UVRAG: variants seen among roughly 807,000 people sequenced by gnomAD.
The protein encoded by UVRAG is UV radiation resistance-associated gene protein.
Under a neutral mutation model 78.0 loss-of-function variants are expected in UVRAG, and 19 were observed. The observed-to-expected ratio is 0.24, with a 90% confidence interval of 0.17 to 0.36. The LOEUF is 0.36. Among genes scored for constraint, UVRAG ranks in the 10% least tolerant of loss-of-function variants. The pLI, the probability that UVRAG is intolerant of heterozygous loss-of-function variation, is 1.00. For synonymous variants in UVRAG, 323 were observed against 324.6 expected (o/e 1.00, Z 0.05); for missense variants, 740 against 853.8 (o/e 0.87, Z 1.66).
intron 13 of UVRAG, among the ~76,000 whole-genome samples, chr11:76,074,271 A>G (rs1273202431): frequency 2.0e-5 from 3 of 152,224 alleles, no homozygotes; most frequent in Admixed American, 6.5e-5. Flanking sequence ...GAATGTGGCC[A>G]TCCAGATTTT....
intron 9 of UVRAG, among the ~76,000 whole-genome samples, chr11:76,005,287 G>T (rs1949911257): frequency 6.6e-6 from 1 of 152,104 alleles, no homozygotes; most frequent in South Asian, 2.1e-4. Context: ...AGCTTGCAGT[G>T]AGCCGAGATG....
At chr11:75,825,664 TTGCC>T (rs1411073386) in intron 1 of UVRAG, among the ~76,000 whole-genome samples, 4 of 152,162 alleles carry the variant, frequency 2.6e-5, no homozygotes, top group African/African-American at 9.7e-5. Flanking sequence ...GTGAAGCTAT[TTGCC>T]TGGCCACAGA....
intron 12 of UVRAG, among the ~76,000 whole-genome samples, chr11:76,029,655 G>A (rs1271800077): frequency 6.6e-6 from 1 of 152,170 alleles, no homozygotes; most frequent in Admixed American, 6.6e-5. Context: ...AGCAAAGAAA[G>A]TGGTTCCTTG....
intron 1 of UVRAG, among the ~76,000 whole-genome samples, chr11:75,832,164 G>A (rs1208057293): frequency 6.6e-6 from 1 of 152,158 alleles, no homozygotes; most frequent in South Asian, 2.1e-4. Flanking sequence ...CAAATATGTT[G>A]GGTTTTCCCC....
chr11:75,924,512 A>T (rs774462267), intron 6 of UVRAG, among the ~76,000 whole-genome samples: 1 of 151,810 alleles, frequency 6.6e-6, no homozygotes, highest in Non-Finnish European at 1.5e-5. Flanking sequence ...CAGCCTCCCA[A>T]GTAGCTGGGA....
chr11:76,088,392 T>C (rs1008454724), intron 13 of UVRAG, among the ~76,000 whole-genome samples: 2 of 152,074 alleles, frequency 1.3e-5, no homozygotes, highest in Non-Finnish European at 2.9e-5. Flanking sequence ...ATCTGTTATG[T>C]CCACCCCTGC....
intron 14 of UVRAG, among the ~76,000 whole-genome samples, chr11:76,134,009 A>G (rs1487893010): frequency 7.1e-6 from 1 of 141,696 alleles, no homozygotes. Context: ...GCTGGAGTGC[A>G]GTACTGCAAT....
At chr11:75,961,370 G>C (rs1948907284) in intron 6 of UVRAG, 74 bp from the exon 7 acceptor site, 1 of 1,183,426 alleles carries the variant, frequency 8.5e-7, no homozygotes, top group South Asian at 1.4e-5. Context: ...CTCCAGGTTT[G>C]TCATTTATAT....
chr11:76,099,610 A>T (rs1951845207), intron 13 of UVRAG, among the ~76,000 whole-genome samples: 1 of 152,142 alleles, frequency 6.6e-6, no homozygotes. Flanking sequence ...AGAATAGGAT[A>T]TGAGTTTCCA....
chr11:76,082,213 A>AT (rs1236295550), intron 13 of UVRAG, among the ~76,000 whole-genome samples: 7 of 152,166 alleles, frequency 4.6e-5, no homozygotes, highest in Admixed American at 2.6e-4. Flanking sequence ...TGTTTCATTT[A>AT]TTTTTCTATA....
At position 75,956,346 on chromosome 11, in the gene UVRAG, T is replaced by C. The variant is rs371332361; in HGVS notation, c.594-5098T>C. On this transcript the variant is annotated intron_variant, in intron 6 of 14. Transcript: ENST00000356136. ...ACTAATAATTTCTAAAAAATGGCAC[T>C]ATTATTTATTAGGCTGGTGCAAAAG... 3.6e-3 allele frequency among the ~76,000 whole-genome samples: 544 copies of C among 152,152 alleles called. 2 individuals are homozygous for C. The highest frequency in any genetic ancestry group is 0.013 in the African/African-American group (528 of 41,526).
chr11:76,140,042 A>C, intron 14 of UVRAG, among the ~76,000 whole-genome samples: 1 of 128,820 alleles, frequency 7.8e-6, no homozygotes, highest in African/African-American at 3.0e-5. Context: ...TTAAAATATA[A>C]CCTTGACTCT....
intron 8 of UVRAG, among the ~76,000 whole-genome samples, chr11:75,991,642 T>C (rs1414840017): frequency 6.6e-6 from 1 of 152,142 alleles, no homozygotes; most frequent in Non-Finnish European, 1.5e-5. Context: ...ATTCCAAAAC[T>C]GTCAATCACT....
chr11:76,048,813 A>ATCTAAAATC (rs932672757), intron 12 of UVRAG, among the ~76,000 whole-genome samples: 8 of 152,352 alleles, frequency 5.3e-5, no homozygotes, highest in African/African-American at 1.7e-4. Flanking sequence ...ATGATAGATG[A>ATCTAAAATC]TCTAAAATCA....
At chr11:76,096,248 C>CT (rs1385786279) in intron 13 of UVRAG, among the ~76,000 whole-genome samples, 1 of 152,216 alleles carries the variant, frequency 6.6e-6, no homozygotes, top group East Asian at 1.9e-4. Flanking sequence ...TTTAACATGG[C>CT]TTTTTTGTGG....
intron 6 of UVRAG, among the ~76,000 whole-genome samples, chr11:75,956,865 G>T (rs1331058493): frequency 6.6e-6 from 1 of 151,832 alleles, no homozygotes; most frequent in African/African-American, 2.4e-5. Flanking sequence ...GTGCTTATTG[G>T]CCATTCTTAT....
chr11:75,939,052 T>C (rs1948433597), intron 6 of UVRAG, among the ~76,000 whole-genome samples: 1 of 152,058 alleles, frequency 6.6e-6, no homozygotes, highest in South Asian at 2.1e-4. Context: ...AGTTGTCTGG[T>C]GGCCAGTCTT....
intron 13 of UVRAG, among the ~76,000 whole-genome samples, chr11:76,089,560 TAACTC>T (rs1270660682): frequency 6.6e-6 from 1 of 152,228 alleles, no homozygotes; most frequent in Non-Finnish European, 1.5e-5. Context: ...TGAATTTAGA[TAACTC>T]AACCCTAGAG....
At chr11:76,012,847 GTT>G (rs1491272345) in intron 11 of UVRAG, 1 of 129,602 alleles carries the variant, frequency 7.7e-6, no homozygotes. Flanking sequence ...GTGTGTGTGT[GTT>G]TAAGTAATCC....
Sources: gnomAD v4.1 joint callset for allele counts (sites outside exome capture counted in the v4.1 genomes callset) on GRCh38, gnomAD v4.1.1 for gene constraint, MANE v1.5 for transcripts, NCBI Gene and HGNC (gene_info 2026-07-23, HGNC 2026-07-21) for gene names.